Variants in GTPBP10 observed in about 807,000 individuals in gnomAD.
GTPBP10 encodes the protein GTP binding protein 10, also known as GTP-binding protein 10.
GTPBP10 carries 38 observed loss-of-function variants against 44.8 expected under a neutral mutation model. That is an observed-to-expected ratio of 0.85 (90% confidence interval 0.65 to 1.11). GTPBP10 has a LOEUF of 1.11. GTPBP10 is among the 50% of genes most tolerant of loss of function. The pLI is 0.00. For synonymous variants in GTPBP10, 152 were observed against 150.6 expected (o/e 1.01, Z -0.07); for missense variants, 462 against 453.7 (o/e 1.02, Z -0.17).
At chr7:90,352,775 C>T (rs1280643253) in intron 1 of GTPBP10, 41 bp from the exon 2 acceptor site, 3 of 1,467,660 alleles carry the variant, frequency 2.0e-6, no homozygotes, top group Non-Finnish European at 2.8e-6. Flanking sequence ...TAAGGTGATA[C>T]ACTTTTGGTA....
chr7:90,362,744 C>T (rs1009511710), intron 4 of GTPBP10, among the ~76,000 whole-genome samples: 3 of 152,122 alleles, frequency 2.0e-5, no homozygotes, highest in Non-Finnish European at 2.9e-5. Context: ...GTTAAAGTCT[C>T]CCATTATTAT....
chr7:90,363,541 G>A lies in GTPBP10; in HGVS notation c.464+8311G>A, dbSNP rs569280302. ...ATGAGCTTCCCTTTGTGGGTAACCC[G>A]ACCTTTCTCTCTGGCTGCCCTTAAC... On this transcript the variant is annotated intron_variant, in intron 4 of 9. Coordinates refer to ENST00000222511, the MANE Select transcript of GTPBP10 (RefSeq NM_033107.4). Among the ~76,000 whole-genome samples, 7 of 152,262 alleles carry A rather than the reference G, an allele frequency of 4.6e-5. No individual in the cohort carries two copies. The East Asian group carries it at 9.6e-4, about 21-fold the overall frequency.
At chr7:90,366,739 C>G (rs1424083633) in intron 4 of GTPBP10, among the ~76,000 whole-genome samples, 2 of 150,060 alleles carry the variant, frequency 1.3e-5, no homozygotes, top group Non-Finnish European at 1.5e-5. Flanking sequence ...AAAACCAGCT[C>G]CTGGATTCAT....
chr7:90,350,226 A>C (rs1358356015), intron 1 of GTPBP10, among the ~76,000 whole-genome samples: 1 of 152,092 alleles, frequency 6.6e-6, no homozygotes, highest in Non-Finnish European at 1.5e-5. Flanking sequence ...AGCTGCATCC[A>C]TGTCACTCAT....
At chr7:90,360,452 A>G (rs1009826707) in intron 4 of GTPBP10, among the ~76,000 whole-genome samples, 4 of 152,000 alleles carry the variant, frequency 2.6e-5, no homozygotes, top group Non-Finnish European at 5.9e-5. Flanking sequence ...ATGGTTGAAG[A>G]TGTGTGTTAT....
In GTPBP10 at chr7:90,390,950, A is replaced by G. The variant is rs1195957710; in HGVS notation, c.*5796A>G. 1.3e-5 allele frequency: 2 copies of G among 152,224 alleles called. No individual in the cohort carries two copies. Among genetic ancestry groups the G allele is most frequent in the African/African-American group, 2.4e-5 (1 of 41,466 alleles). The allele number at this position is 152,224 out of a possible 1,614,324, so 9.4% of individuals were successfully genotyped here. A position where few individuals can be genotyped will look rare whatever the true frequency, so the allele number is the denominator to read the frequency against. ...AGAATATTTTAAATCAAGGGCAGAC[A>G]TTGAGTAAAAGCTTATGACTTTGGA... On this transcript the variant is annotated 3_prime_UTR_variant, in exon 10 of 10. Coordinates refer to ENST00000222511, the MANE Select transcript of GTPBP10 (RefSeq NM_033107.4).
rs757973599 is a variant in GTPBP10 at position 90,372,482 on chromosome 7, C to CTTTTT, written c.538+265_538+269dup. On this transcript the variant is annotated intron_variant, in intron 5 of 9. Transcript: ENST00000222511. ...GGTATGTGCCACCATGCTTGGCTAA[C>CTTTTT]TTTTTTTTTTTTTTTGTGGGGACAG... 9.6e-4 allele frequency among the ~76,000 whole-genome samples: 108 copies of CTTTTT among 112,206 alleles called. 4 individuals carry two copies. In the Middle Eastern group the frequency reaches 0.015, roughly 16 times the overall value. The allele number at this position is 112,206 out of a possible 152,430, so 73.6% of individuals were successfully genotyped here.
rs1796570540 is a variant in GTPBP10 at position 90,388,947 on chromosome 7, A to C, written c.*3793A>C. ...TATATTAAAAATAATTTTTCAAAGC[A>C]ACAGCACAGATGCACTTTAAAACTG... is the stretch of plus-strand genomic sequence containing the variant. On this transcript the variant is annotated 3_prime_UTR_variant, in exon 10 of 10. Transcript: ENST00000222511. 6.6e-6 allele frequency: 1 copy of C among 152,264 alleles called. No homozygotes were observed. The highest frequency in any genetic ancestry group is 2.4e-5 in the African/African-American group (1 of 41,476). 9.4% of individuals were successfully genotyped at this position (152,264 alleles called of 1,614,324 possible). A position where few individuals can be genotyped will look rare whatever the true frequency, so the allele number is the denominator to read the frequency against.
At chr7:90,365,446 G>A (rs1305295094) in intron 4 of GTPBP10, among the ~76,000 whole-genome samples, 3 of 137,754 alleles carry the variant, frequency 2.2e-5, no homozygotes, top group African/African-American at 8.4e-5. Context: ...CGGGATCTCG[G>A]CTCACTGCAA....
chr7:90,364,952 T>C (rs1317727323), intron 4 of GTPBP10, among the ~76,000 whole-genome samples: 2 of 152,232 alleles, frequency 1.3e-5, no homozygotes, highest in African/African-American at 2.4e-5. Flanking sequence ...AATCTCATGT[T>C]GTGCCATTTG....
chr7:90,380,119 C>A (rs1351665066), intron 8 of GTPBP10, among the ~76,000 whole-genome samples: 1 of 141,734 alleles, frequency 7.1e-6, no homozygotes, highest in East Asian at 2.1e-4. Flanking sequence ...CACTCTGTCG[C>A]CTGGGCTGGA....
chr7:90,363,523 T>C (rs532683998), intron 4 of GTPBP10, among the ~76,000 whole-genome samples: 1 of 152,336 alleles, frequency 6.6e-6, no homozygotes, highest in East Asian at 1.9e-4. Flanking sequence ...GTGATGAGCT[T>C]CCCTTTGTGG....
At chr7:90,375,968 T>C (rs1440133674) in intron 6 of GTPBP10, among the ~76,000 whole-genome samples, 4 of 151,952 alleles carry the variant, frequency 2.6e-5, no homozygotes, top group African/African-American at 9.7e-5. Context: ...GGCTTACACC[T>C]GTAATCCCAG....
At chr7:90,358,042 C>T (rs1454114042) in intron 4 of GTPBP10, among the ~76,000 whole-genome samples, 1 of 152,072 alleles carries the variant, frequency 6.6e-6, no homozygotes, top group African/African-American at 2.4e-5. Flanking sequence ...ACCCTAGAGA[C>T]TCCTTCAAAA....
At position 90,383,025 on chromosome 7, in the gene GTPBP10, C is replaced by G; in HGVS notation, c.847C>G (p.Pro283Ala). The G allele has an allele frequency of 1.3e-6, 2 of 1,596,998 alleles. No homozygotes were observed. The change falls in exon 9 of 10, where the codon CCA becomes GCA. Residue 283 changes from proline to alanine, a missense_variant. By Grantham distance (27) the Pro-to-Ala change is conservative (BLOSUM62 -1). Coordinates refer to ENST00000222511, the MANE Select transcript of GTPBP10 (RefSeq NM_033107.4). Reference sequence around the variant, plus strand: ...CTTGGCAGTTAATAAAATGGACTTGCCAGATGCCCAAGATAAGTTCCATGA... The same window carrying G: ...CTTGGCAGTTAATAAAATGGACTTGGCAGATGCCCAAGATAAGTTCCATGA... ...ALLAVNKMDL[P>A]DAQDKFHELM... is the part of the protein sequence containing the mutation.
intron 5 of GTPBP10, among the ~76,000 whole-genome samples, chr7:90,373,292 A>G (rs1187336347): frequency 6.6e-6 from 1 of 152,216 alleles, no homozygotes; most frequent in African/African-American, 2.4e-5. Flanking sequence ...CCTCACAGAG[A>G]TCTCGGCCTG....
chr7:90,380,619 C>T (rs187825512), intron 8 of GTPBP10, among the ~76,000 whole-genome samples: 92 of 151,038 alleles, frequency 6.1e-4, no homozygotes, highest in African/African-American at 2.2e-3. Context: ...AGCTAATTAA[C>T]ATGATCCATC....
At chr7:90,384,604 CA>C (rs1412530883) in intron 9 of GTPBP10, among the ~76,000 whole-genome samples, 10 of 148,392 alleles carry the variant, frequency 6.7e-5, no homozygotes, top group African/African-American at 2.6e-4. Context: ...ACCCCCCCCA[CA>C]CACACAAAAT....
intron 1 of GTPBP10, 132 bp downstream of exon 1, chr7:90,346,906 C>A: frequency 1.0e-6 from 1 of 956,612 alleles, no homozygotes; most frequent in Non-Finnish European, 1.7e-6. Context: ...CTTCTCCGCC[C>A]CTCCTGTAGT....
Sources: allele counts gnomAD v4.1 joint callset (sites outside exome capture counted in the v4.1 genomes callset), GRCh38; gene constraint gnomAD v4.1.1; transcripts MANE v1.5; gene names NCBI Gene and HGNC (gene_info 2026-07-23, HGNC 2026-07-21).